Variants in GNB1 observed in about 807,000 individuals in gnomAD.
GNB1 encodes G protein subunit beta 1, also known as guanine nucleotide-binding protein G(I)/G(S)/G(T) subunit beta-1.
Under a neutral mutation model 42.9 loss-of-function variants are expected in GNB1, and 2 were observed. That is an observed-to-expected ratio of 0.05 (90% CI 0.02 to 0.15). The LOEUF is 0.15. Among genes scored for constraint, GNB1 ranks in the 10% least tolerant of loss-of-function variants. The probability of loss-of-function intolerance (pLI) is 1.00; values close to 1 mark genes in which losing one functional copy is unlikely to be tolerated. For synonymous variants in GNB1, 183 were observed against 174.7 expected, an observed-to-expected ratio of 1.05 and a Z score of -0.38; for missense variants, 193 against 462.2, an observed-to-expected ratio of 0.42 and a Z score of 5.34.
At chr1:1,789,406 G>A in intron 9 of GNB1, 137 bp from the exon 10 acceptor site, 1 of 625,724 alleles carries the variant, frequency 1.6e-6, no homozygotes, top group South Asian at 1.8e-5. Flanking sequence ...AAGAACAGAG[G>A]GCTGGGCCGG....
chr1:1,868,198 G>C (rs865984526), intron 1 of GNB1, among the ~76,000 whole-genome samples: 8 of 151,548 alleles, frequency 5.3e-5, no homozygotes, highest in South Asian at 4.2e-4. Context: ...TTTTTGAGAC[G>C]GAGTTTCGCT....
chr1:1,814,422 A>C (rs758944575), intron 5 of GNB1, among the ~76,000 whole-genome samples: 1 of 152,200 alleles, frequency 6.6e-6, no homozygotes, highest in South Asian at 2.1e-4. Context: ...ACCAAATAAG[A>C]CTTTGTAATA....
At chr1:1,793,401 G>A (rs529126896) in intron 7 of GNB1, 90 bp from the exon 8 acceptor site, 9 of 797,402 alleles carry the variant, frequency 1.1e-5, no homozygotes, top group South Asian at 7.4e-5. Flanking sequence ...CCCGGTGGAA[G>A]CTCTACGTCT....
At chr1:1,845,517 G>T (rs1647595764) in intron 1 of GNB1, among the ~76,000 whole-genome samples, 1 of 152,154 alleles carries the variant, frequency 6.6e-6, no homozygotes, top group Non-Finnish European at 1.5e-5. Flanking sequence ...AGCTTGCAGT[G>T]AGCCGAGATC....
chr1:1,788,950 C>A, intron 10 of GNB1, 103 bp downstream of exon 10: 12 of 822,086 alleles, frequency 1.5e-5, no homozygotes, highest in Non-Finnish European at 2.4e-5. Context: ...TGCCACAGTC[C>A]CACCGATACT....
intron 2 of GNB1, among the ~76,000 whole-genome samples, chr1:1,827,122 G>C (rs779193694): frequency 2.6e-5 from 4 of 152,166 alleles, no homozygotes; most frequent in Admixed American, 2.0e-4. Context: ...ATTTTCTTGA[G>C]ATTAAAACCC....
intron 5 of GNB1, among the ~76,000 whole-genome samples, chr1:1,813,049 G>A (rs1646804104): frequency 6.6e-6 from 1 of 152,092 alleles, no homozygotes; most frequent in African/African-American, 2.4e-5. Context: ...CTGCACATCA[G>A]TGTTCCCACA....
At chr1:1,800,426 A>C (rs1223661404) in intron 7 of GNB1, among the ~76,000 whole-genome samples, 2 of 152,244 alleles carry the variant, frequency 1.3e-5, no homozygotes, top group East Asian at 1.9e-4. Flanking sequence ...CAGAGGTAAC[A>C]AGTACATGAA....
At chr1:1,793,660 G>A (rs1308051146) in intron 7 of GNB1, 3 of 175,996 alleles carry the variant, frequency 1.7e-5, no homozygotes, top group Non-Finnish European at 3.7e-5. Flanking sequence ...TTCAGGGCAC[G>A]CTGACTCCAG....
chr1:1,846,568 AAATC>A (rs201437769), intron 1 of GNB1, among the ~76,000 whole-genome samples: 23 of 152,002 alleles, frequency 1.5e-4, no homozygotes, highest in African/African-American at 3.9e-4. Flanking sequence ...CTCCATCTCA[AAATC>A]AATCAATCAA....
At chr1:1,849,302 T>C (rs2101468084) in intron 1 of GNB1, among the ~76,000 whole-genome samples, 1 of 152,286 alleles carries the variant, frequency 6.6e-6, no homozygotes, top group Middle Eastern at 3.4e-3. Context: ...TTAAACTAGA[T>C]ATAGCACCAG....
chr1:1,884,241 A>T (rs938878938), intron 1 of GNB1, among the ~76,000 whole-genome samples: 2 of 151,740 alleles, frequency 1.3e-5, no homozygotes, highest in African/African-American at 4.8e-5. Context: ...CTGGAATTAC[A>T]GGCATGCATC....
intron 7 of GNB1, among the ~76,000 whole-genome samples, chr1:1,796,317 T>C (rs1177391362): frequency 6.6e-6 from 1 of 152,160 alleles, no homozygotes; most frequent in Non-Finnish European, 1.5e-5. Flanking sequence ...TAACCCCTTC[T>C]TCCAGGAAAG....
rs1162216985 is a variant in GNB1 at position 1,793,228 on chromosome 1, C to T, written c.497+17G>A. 6 of 1,587,608 alleles carry T rather than the reference C, an allele frequency of 3.8e-6. No homozygotes were observed. Among genetic ancestry groups the T allele is most frequent in the East Asian group, 2.2e-5 (1 of 44,608 alleles). On this transcript the variant is annotated intron_variant, in intron 8 of 11. Transcript: ENST00000378609. ...GTGGGTTCTCAAGGCACTGCCTGCC[C>T]CGGGTCAGGTACTTACCACGTGGTG...
chr1:1,850,856 T>G (rs973585268), intron 1 of GNB1, among the ~76,000 whole-genome samples: 49 of 152,224 alleles, frequency 3.2e-4, no homozygotes, highest in African/African-American at 1.1e-3. Flanking sequence ...CCTCTTTGTC[T>G]GAGCCACTAC....
At chr1:1,799,257 T>G (rs573932835) in intron 7 of GNB1, among the ~76,000 whole-genome samples, 43 of 152,302 alleles carry the variant, frequency 2.8e-4, no homozygotes, top group Admixed American at 4.6e-4. Context: ...GTGTGTGTGT[T>G]TTTTTTAAAT....
chr1:1,836,875 T>G (rs1647158139), intron 2 of GNB1, among the ~76,000 whole-genome samples: 1 of 149,048 alleles, frequency 6.7e-6, no homozygotes, highest in African/African-American at 2.5e-5. Context: ...TTTTTTTTTT[T>G]TGAAGAGACA....
chr1:1,790,740 C>A lies in GNB1; in HGVS notation c.498-144G>T, dbSNP rs1171470217. On this transcript the variant is annotated intron_variant, in intron 8 of 11. Transcript: ENST00000378609. This position sits in a 1 kb window ranked among gnomAD's most constrained non-coding sequence, Gnocchi z 5.4. ...TTTAAAAACGTAAATTGTTTAAAGA[C>A]AAATTTAAATGTAATACAACTTTGG... The A allele has an allele frequency of 3.2e-6, 2 of 623,970 alleles. No individual in the cohort carries two copies. Among genetic ancestry groups the A allele is most frequent in the Non-Finnish European group, 5.8e-6 (2 of 347,524 alleles). 38.7% of individuals were successfully genotyped at this position (623,970 alleles called of 1,614,324 possible).
At chr1:1,842,199 G>A (rs1214830556) in intron 1 of GNB1, among the ~76,000 whole-genome samples, 1 of 152,234 alleles carries the variant, frequency 6.6e-6, no homozygotes, top group Non-Finnish European at 1.5e-5. Flanking sequence ...GGGAGGCCAA[G>A]GCGGGCAGAT....
Sources: allele counts gnomAD v4.1 joint callset (sites outside exome capture counted in the v4.1 genomes callset), GRCh38; gene constraint gnomAD v4.1.1; non-coding constraint Gnocchi (gnomAD v3.1); transcripts MANE v1.5; gene names NCBI Gene and HGNC (gene_info 2026-07-23, HGNC 2026-07-21).